Variants in RBFOX1 observed in about 807,000 individuals in gnomAD.
RBFOX1 encodes RNA binding fox-1 homolog 1, also known as RNA binding protein fox-1 homolog 1.
RBFOX1 carries 8 observed loss-of-function variants against 57.7 expected under a neutral mutation model. The observed-to-expected ratio is 0.14, with a 90% CI of 0.08 to 0.25. RBFOX1 has a LOEUF of 0.25. Among genes scored for constraint, RBFOX1 ranks in the 10% least tolerant of loss-of-function variants. RBFOX1 has a pLI of 1.00. For synonymous variants in RBFOX1, 326 were observed against 222.4 expected, an observed-to-expected ratio of 1.47 and a Z score of -4.15; for missense variants, 611 against 548.5, an observed-to-expected ratio of 1.11 and a Z score of -1.14.
intron 1 of RBFOX1, among the ~76,000 whole-genome samples, chr16:5,318,125 GT>G (rs201977935): frequency 1.2e-4 from 18 of 151,506 alleles, no homozygotes; most frequent in African/African-American, 3.1e-4. Context: ...TACACCTACT[GT>G]TTTTTTTTAT....
intron 1 of RBFOX1, among the ~76,000 whole-genome samples, chr16:5,322,216 G>A (rs555944629): frequency 4.6e-5 from 7 of 152,252 alleles, no homozygotes; most frequent in East Asian, 1.9e-4. Flanking sequence ...AGAGAAAAAC[G>A]TAATAAACAC....
intron 2 of RBFOX1, among the ~76,000 whole-genome samples, chr16:6,521,834 G>A (rs1388820081): frequency 1.3e-5 from 2 of 152,066 alleles, no homozygotes; most frequent in Non-Finnish European, 2.9e-5. Context: ...GTCTAAAAAT[G>A]GAAGGCTTAG....
intron 1 of RBFOX1, among the ~76,000 whole-genome samples, chr16:6,120,787 A>C (rs1019061223): frequency 5.5e-4 from 84 of 151,978 alleles, no homozygotes; most frequent in Non-Finnish European, 9.0e-4. Context: ...TCCTCTTTGT[A>C]AGACGTCAGT....
chr16:5,920,354 G>A (rs1186804772), intron 4 of RBFOX1, among the ~76,000 whole-genome samples: 2 of 152,060 alleles, frequency 1.3e-5, no homozygotes, highest in Non-Finnish European at 1.5e-5. Context: ...TTCACTCATC[G>A]GTGGCTATAC....
At chr16:6,624,923 T>G (rs1006354926) in intron 2 of RBFOX1, among the ~76,000 whole-genome samples, 1 of 151,904 alleles carries the variant, frequency 6.6e-6, no homozygotes, top group Non-Finnish European at 1.5e-5. Flanking sequence ...AGCACTTTGG[T>G]CGAGGTCGAG....
chr16:7,591,688 T>TA (rs2094449678), intron 7 of RBFOX1, among the ~76,000 whole-genome samples: 1 of 152,176 alleles, frequency 6.6e-6, no homozygotes, highest in East Asian at 1.9e-4. Flanking sequence ...CCCTTCTCTG[T>TA]ACCCCTTCTT....
intron 2 of RBFOX1, among the ~76,000 whole-genome samples, chr16:6,644,564 C>A (rs938869586): frequency 1.3e-5 from 2 of 152,200 alleles, no homozygotes; most frequent in East Asian, 3.9e-4. Context: ...ATGAAAAGCT[C>A]TCTGGGACTT....
chr16:7,232,799 C>G (rs2093575644), intron 4 of RBFOX1, among the ~76,000 whole-genome samples: 2 of 149,314 alleles, frequency 1.3e-5, no homozygotes, highest in Admixed American at 1.4e-4. Context: ...TGAGATCACG[C>G]CATTGGTCAT....
chr16:6,555,796 T>G (rs990236783), intron 2 of RBFOX1, among the ~76,000 whole-genome samples: 1 of 152,212 alleles, frequency 6.6e-6, no homozygotes, highest in Non-Finnish European at 1.5e-5. Context: ...GTAGTTGCAT[T>G]GACATTTAGG....
At chr16:7,634,977 G>C (rs2061532132) in intron 11 of RBFOX1, among the ~76,000 whole-genome samples, 2 of 152,186 alleles carry the variant, frequency 1.3e-5, no homozygotes, top group African/African-American at 4.8e-5. Context: ...TTAACAGAAA[G>C]GTTTAGTGAA....
At chr16:6,471,158 C>G (rs972592193) in intron 2 of RBFOX1, among the ~76,000 whole-genome samples, 5 of 152,174 alleles carry the variant, frequency 3.3e-5, no homozygotes, top group African/African-American at 1.2e-4. Context: ...TCAGTTCACC[C>G]AGTCACATCT....
intron 3 of RBFOX1, among the ~76,000 whole-genome samples, chr16:5,605,483 G>A (rs971515195): frequency 6.6e-6 from 1 of 152,172 alleles, no homozygotes; most frequent in Non-Finnish European, 1.5e-5. Context: ...GGAGGGGACA[G>A]TGGTGCCACT....
At chr16:7,011,788 A>G (rs1287348134) in intron 3 of RBFOX1, among the ~76,000 whole-genome samples, 1 of 152,214 alleles carries the variant, frequency 6.6e-6, no homozygotes, top group Admixed American at 6.5e-5. Context: ...TGCTGGGATT[A>G]CAGGCGTGAG....
chr16:5,497,296 C>G (rs960887539), intron 2 of RBFOX1, among the ~76,000 whole-genome samples: 33 of 151,156 alleles, frequency 2.2e-4, no homozygotes, highest in African/African-American at 8.0e-4. Flanking sequence ...TCTCATCATG[C>G]TGGGTATTGC....
intron 3 of RBFOX1, among the ~76,000 whole-genome samples, chr16:6,676,729 G>C (rs1304550416): frequency 7.3e-6 from 1 of 136,236 alleles, no homozygotes; most frequent in Non-Finnish European, 1.5e-5. Flanking sequence ...AGGCTGGAGT[G>C]CCATGGTGCG....
chr16:7,257,172 A>G (rs1319541440), intron 4 of RBFOX1, among the ~76,000 whole-genome samples: 1 of 152,246 alleles, frequency 6.6e-6, no homozygotes, highest in South Asian at 2.1e-4. Context: ...CTGTTTCTCT[A>G]TCAGAAAATC....
At chr16:5,915,771 G>A (rs1450005634) in intron 4 of RBFOX1, among the ~76,000 whole-genome samples, 2 of 152,138 alleles carry the variant, frequency 1.3e-5, no homozygotes, top group Admixed American at 1.3e-4. Flanking sequence ...GGTGGAGGTT[G>A]CAGTGAGCCA....
intron 3 of RBFOX1, among the ~76,000 whole-genome samples, chr16:5,636,017 TG>T (rs1312988987): frequency 2.6e-5 from 4 of 151,874 alleles, no homozygotes; most frequent in African/African-American, 9.7e-5. Flanking sequence ...TAGACTAGTC[TG>T]GGCAACATAG....
chr16:5,448,861 C>T (rs1475308493), intron 1 of RBFOX1, among the ~76,000 whole-genome samples: 1 of 152,216 alleles, frequency 6.6e-6, no homozygotes, highest in Non-Finnish European at 1.5e-5. Context: ...TCCTCGAAGA[C>T]ATTTTTATTC....
Sources: allele counts gnomAD v4.1 joint callset (sites outside exome capture counted in the v4.1 genomes callset), GRCh38; gene constraint gnomAD v4.1.1; transcripts MANE v1.5; gene names NCBI Gene and HGNC (gene_info 2026-07-23, HGNC 2026-07-21).